GABRA2: variants seen among roughly 807,000 people sequenced by gnomAD.
The protein encoded by GABRA2 is gamma-aminobutyric acid receptor subunit alpha-2.
A neutral mutation model predicts 48.7 loss-of-function variants in GABRA2; 16 were observed. The ratio of observed to expected loss-of-function variants is 0.33; its 90% CI spans 0.22 to 0.50. The LOEUF (loss-of-function observed/expected upper bound fraction) is 0.50, where lower values mean the gene tolerates loss of function less well. GABRA2 is among the 20% of genes least tolerant of loss of function. The pLI, the probability that GABRA2 is intolerant of heterozygous loss-of-function variation, is 0.98. For missense variants in GABRA2, 275 were observed against 535.6 expected, an observed-to-expected ratio of 0.51 and a Z score of 4.80; for synonymous variants, 185 against 184.5, an observed-to-expected ratio of 1.00 and a Z score of -0.02.
intron 3 of GABRA2, among the ~76,000 whole-genome samples, chr4:46,377,492 C>T (rs1352609462): frequency 5.8e-5 from 7 of 120,570 alleles, no homozygotes; most frequent in Non-Finnish European, 1.1e-4. Flanking sequence ...GGAGCCCCTC[C>T]GCCCAGCAAC....
At position 46,389,804 on chromosome 4, in the gene GABRA2, A is replaced by G. The variant is rs3775288; in HGVS notation, c.-80T>C. On this transcript the variant is annotated 5_prime_UTR_variant, in exon 1 of 10. Coordinates refer to ENST00000381620, the MANE Select transcript of GABRA2 (RefSeq NM_000807.4). The stretch of plus-strand genomic sequence containing the variant: ...ATCTTGACGAGATAGGAAACTTGGG[A>G]GAGAGAGAGAGAGAGAGAGAGAGAG... 75,173 of 274,098 alleles carry G rather than the reference A, an allele frequency of 0.27. 4,059 individuals carry two copies. The highest frequency in any genetic ancestry group is 0.28 in the Non-Finnish European group (69,299 of 245,508). 17.0% of individuals were successfully genotyped at this position (274,098 alleles called of 1,614,324 possible).
At chr4:46,374,940 C>T (rs1715465091) in intron 3 of GABRA2, among the ~76,000 whole-genome samples, 1 of 151,940 alleles carries the variant, frequency 6.6e-6, no homozygotes, top group Admixed American at 6.6e-5. Flanking sequence ...TAAATGGATG[C>T]TCTCATGACA....
At chr4:46,289,406 G>A (rs1723162096) in intron 8 of GABRA2, among the ~76,000 whole-genome samples, 1 of 152,162 alleles carries the variant, frequency 6.6e-6, no homozygotes, top group African/African-American at 2.4e-5. Flanking sequence ...CAGGAACATG[G>A]GTGGATCTGG....
intron 3 of GABRA2, among the ~76,000 whole-genome samples, chr4:46,347,347 A>G (rs1430385957): frequency 1.3e-5 from 2 of 152,002 alleles, no homozygotes; most frequent in African/African-American, 4.8e-5. Context: ...AAAATACATT[A>G]TAAAGTTATA....
At chr4:46,358,954 TC>T (rs2109947374) in intron 3 of GABRA2, among the ~76,000 whole-genome samples, 2 of 152,304 alleles carry the variant, frequency 1.3e-5, no homozygotes, top group South Asian at 4.1e-4. Context: ...TGGATAACTT[TC>T]AAATACAGCT....
At chr4:46,258,760 C>A in intron 9 of GABRA2, among the ~76,000 whole-genome samples, 1 of 151,714 alleles carries the variant, frequency 6.6e-6, no homozygotes, top group South Asian at 2.1e-4. Flanking sequence ...AAGAATGATT[C>A]TGGAGCATAA....
rs895484629 is a variant in GABRA2, at chr4:46,246,541, G to A, written c.*3767C>T. 5.3e-5 allele frequency among the ~76,000 whole-genome samples: 8 copies of A among 150,940 alleles called. No individual in the cohort carries two copies. The highest frequency in any genetic ancestry group is 1.9e-4 in the African/African-American group (8 of 41,288). On this transcript the variant is annotated 3_prime_UTR_variant, in exon 10 of 10. Transcript: ENST00000381620. The stretch of plus-strand genomic sequence containing the variant: ...AAAAGGGAAGCACGAGGTGCCTATG[G>A]GACCTCAATTAAAAGGAAAATGAAT...
intron 3 of GABRA2, chr4:46,368,980 C>T (rs540407458): frequency 1.0e-5 from 7 of 700,826 alleles, no homozygotes; most frequent in Non-Finnish European, 1.8e-5. Flanking sequence ...GGCTATGTTA[C>T]ACAGACTGGA....
At chr4:46,272,541 G>C (rs1427662289) in intron 8 of GABRA2, among the ~76,000 whole-genome samples, 1 of 151,912 alleles carries the variant, frequency 6.6e-6, no homozygotes, top group East Asian at 1.9e-4. Context: ...AAAAATAAAA[G>C]TACAAAACAA....
chr4:46,339,534 T>G (rs1423638486), intron 3 of GABRA2, among the ~76,000 whole-genome samples: 1 of 151,896 alleles, frequency 6.6e-6, no homozygotes, highest in East Asian at 1.9e-4. Context: ...ACATAGCCTC[T>G]GCTATCATAA....
chr4:46,249,974 C>A lies in GABRA2; in HGVS notation c.*334G>T, dbSNP rs1055437317. 2.0e-5 allele frequency: 4 copies of A among 200,714 alleles called. No homozygotes were observed. The highest frequency in any genetic ancestry group is 7.0e-5 in the African/African-American group (3 of 42,988). 12.4% of individuals were successfully genotyped at this position (200,714 alleles called of 1,614,324 possible). On this transcript the variant is annotated 3_prime_UTR_variant, in exon 10 of 10. Coordinates refer to ENST00000381620, the MANE Select transcript of GABRA2 (RefSeq NM_000807.4). ...AAATACCCCTACTTAAGAGCTAAAC[C>A]AAAAGGGTCCACAAAGGGTTGTACA...
chr4:46,264,573 A>C (rs1717719084), intron 8 of GABRA2, among the ~76,000 whole-genome samples: 1 of 151,904 alleles, frequency 6.6e-6, no homozygotes, highest in African/African-American at 2.4e-5. Context: ...AATGTGGCTG[A>C]TTTTAGTTTG....
At chr4:46,259,201 G>A (rs1345345235) in intron 9 of GABRA2, among the ~76,000 whole-genome samples, 2 of 151,812 alleles carry the variant, frequency 1.3e-5, no homozygotes, top group Non-Finnish European at 2.9e-5. Flanking sequence ...TTTGTATTGA[G>A]CAAAAGGAGA....
intron 4 of GABRA2, among the ~76,000 whole-genome samples, chr4:46,326,982 T>C (rs540387329): frequency 6.6e-6 from 1 of 152,080 alleles, no homozygotes; most frequent in East Asian, 1.9e-4. Context: ...ATCCAACAGA[T>C]CACCAATTCT....
chr4:46,286,381 A>G (rs916349226), intron 8 of GABRA2, among the ~76,000 whole-genome samples: 1 of 152,064 alleles, frequency 6.6e-6, no homozygotes, highest in African/African-American at 2.4e-5. Flanking sequence ...CCACCTTTTG[A>G]CCATTGAGAA....
In GABRA2 at chr4:46,300,626, C is replaced by G. The variant is rs562585528; in HGVS notation, c.856+2834G>C. ...ATCAAATTGATACTATAAGGAACAT[C>G]AAAATACACATAACTCAAACTACAA... is the stretch of plus-strand genomic sequence containing the variant. On this transcript the variant is annotated intron_variant, in intron 8 of 9. Transcript: ENST00000381620. Among the ~76,000 whole-genome samples the G allele has an allele frequency of 5.7e-4, 87 of 152,032 alleles. 1 individual carries two copies. The highest frequency in any genetic ancestry group is 2.0e-3 in the African/African-American group (83 of 41,472).
Position 46,245,173 on chromosome 4 carries a change from A to C in GABRA2, c.*5135T>G, listed in dbSNP as rs953936051. 1.3e-5 allele frequency among the ~76,000 whole-genome samples: 2 copies of C among 151,316 alleles called. No individual in the cohort carries two copies. Among genetic ancestry groups the C allele is most frequent in the African/African-American group, 4.8e-5 (2 of 41,364 alleles). ...GGCTGCTGTGAGGACTGAATGAACT[A>C]ATATGCATAAAAAACTTAGAACGTT... On this transcript the variant is annotated 3_prime_UTR_variant, in exon 10 of 10. Transcript: ENST00000381620.
chr4:46,380,164 A>C (rs1039787344), intron 3 of GABRA2, among the ~76,000 whole-genome samples: 7 of 152,210 alleles, frequency 4.6e-5, no homozygotes, highest in African/African-American at 1.7e-4. Context: ...TTTATTCTGT[A>C]AATACAGCTT....
chr4:46,253,285 C>T (rs899613156), intron 9 of GABRA2, among the ~76,000 whole-genome samples: 1 of 151,384 alleles, frequency 6.6e-6, no homozygotes, highest in African/African-American at 2.4e-5. Context: ...TCAGGAAATA[C>T]AGGTACAAAG....
Sources: gnomAD v4.1 joint callset for allele counts (sites outside exome capture counted in the v4.1 genomes callset) on GRCh38, gnomAD v4.1.1 for gene constraint, MANE v1.5 for transcripts, NCBI Gene and HGNC (gene_info 2026-07-23, HGNC 2026-07-21) for gene names.